Variants in CDK19 observed in about 807,000 individuals in gnomAD.
CDK19 encodes the protein cyclin-dependent kinase 19.
Under a neutral mutation model 68.3 loss-of-function variants are expected in CDK19, and 20 were observed. The observed-to-expected ratio is 0.29, with a 90% CI of 0.21 to 0.43. CDK19 has a LOEUF of 0.43. CDK19 is among the 20% of genes least tolerant of loss of function. The probability of loss-of-function intolerance (pLI) is 1.00; values close to 1 mark genes in which losing one functional copy is unlikely to be tolerated. For missense variants in CDK19, 339 were observed against 623.5 expected (o/e 0.54, Z 4.86); for synonymous variants, 221 against 222.8 (o/e 0.99, Z 0.07).
chr6:110,814,882 C>A (rs1022285113), intron 1 of CDK19, 127 bp downstream of exon 1: 11 of 1,306,222 alleles, frequency 8.4e-6, no homozygotes, highest in Non-Finnish European at 1.2e-5. Flanking sequence ...TGTCCGGACG[C>A]AACCCCGCGA....
chr6:110,786,601 G>A (rs1302873065), intron 1 of CDK19, among the ~76,000 whole-genome samples: 3 of 151,958 alleles, frequency 2.0e-5, no homozygotes, highest in East Asian at 4.0e-4. Context: ...AGGGTACCGC[G>A]TGTAATGAGC....
chr6:110,611,253 G>A lies in CDK19; in HGVS notation c.*3282C>T, dbSNP rs545078709. 2.0e-5 allele frequency: 3 copies of A among 152,400 alleles called. No individual in the cohort carries two copies. Among genetic ancestry groups the A allele is most frequent in the South Asian group, 2.1e-4 (1 of 4,828 alleles). 9.4% of individuals were successfully genotyped at this position (152,400 alleles called of 1,614,324 possible). On this transcript the variant is annotated 3_prime_UTR_variant, in exon 13 of 13. Coordinates refer to ENST00000368911, the MANE Select transcript of CDK19 (RefSeq NM_015076.5). ...TAACTCTGAAACTGGTTTGTAACAC[G>A]AAGAGCAGAAAGCCTTCACTTGGAT...
chr6:110,657,935 T>G (rs1052054428), intron 4 of CDK19, among the ~76,000 whole-genome samples: 1 of 152,156 alleles, frequency 6.6e-6, no homozygotes, highest in Non-Finnish European at 1.5e-5. Flanking sequence ...AACTGACAGA[T>G]AGATGTGCAG....
At chr6:110,808,784 T>C (rs940211340) in intron 1 of CDK19, among the ~76,000 whole-genome samples, 1 of 152,206 alleles carries the variant, frequency 6.6e-6, no homozygotes, top group East Asian at 1.9e-4. Context: ...TCTAAGCATC[T>C]CTATAAAATA....
upstream of CDK19, chr6:110,815,847 G>C (rs1295962930): frequency 6.6e-6 from 1 of 152,500 alleles, no homozygotes; most frequent in Non-Finnish European, 1.5e-5. Context: ...GGAGGCGAGG[G>C]CTGGTGAGGA....
intron 2 of CDK19, among the ~76,000 whole-genome samples, chr6:110,705,619 G>A (rs907746772): frequency 2.0e-5 from 3 of 152,216 alleles, no homozygotes; most frequent in African/African-American, 4.8e-5. Flanking sequence ...CCGAAGGTAC[G>A]TTCACAGAAG....
intron 2 of CDK19, among the ~76,000 whole-genome samples, chr6:110,681,417 T>A (rs1442692764): frequency 7.2e-5 from 11 of 152,216 alleles, no homozygotes; most frequent in African/African-American, 2.4e-4. Flanking sequence ...AGATTATGCA[T>A]AATTTATATT....
intron 2 of CDK19, among the ~76,000 whole-genome samples, chr6:110,738,904 G>A (rs1007623527): frequency 6.6e-6 from 1 of 152,202 alleles, no homozygotes; most frequent in Non-Finnish European, 1.5e-5. Flanking sequence ...CACCCTGCCT[G>A]CTGGGCACTA....
At chr6:110,730,782 T>G (rs1562240531) in intron 2 of CDK19, among the ~76,000 whole-genome samples, 1 of 152,208 alleles carries the variant, frequency 6.6e-6, no homozygotes, top group African/African-American at 2.4e-5. Context: ...CTGGGCACAG[T>G]GGCTCACACC....
At chr6:110,791,001 C>T (rs1781555293) in intron 1 of CDK19, among the ~76,000 whole-genome samples, 1 of 151,990 alleles carries the variant, frequency 6.6e-6, no homozygotes, top group Admixed American at 6.6e-5. Context: ...GTAACCCCGT[C>T]TCTACTAAAA....
intron 8 of CDK19, among the ~76,000 whole-genome samples, chr6:110,624,386 G>T (rs1322975132): frequency 4.6e-5 from 7 of 151,798 alleles, no homozygotes; most frequent in Admixed American, 2.6e-4. Flanking sequence ...TCCTACATAT[G>T]AAATATTTCA....
At chr6:110,812,040 A>C (rs529714703) in intron 1 of CDK19, among the ~76,000 whole-genome samples, 13 of 152,300 alleles carry the variant, frequency 8.5e-5, no homozygotes, top group South Asian at 2.1e-4. Flanking sequence ...TCTACAAAAA[A>C]TATTCAAAAG....
At chr6:110,718,653 A>C (rs1258196209) in intron 2 of CDK19, among the ~76,000 whole-genome samples, 1 of 152,066 alleles carries the variant, frequency 6.6e-6, no homozygotes, top group East Asian at 1.9e-4. Flanking sequence ...AAAAAAAAAA[A>C]AAACCCTTCT....
At chr6:110,808,877 A>T (rs971002747) in intron 1 of CDK19, among the ~76,000 whole-genome samples, 1 of 152,182 alleles carries the variant, frequency 6.6e-6, no homozygotes, top group African/African-American at 2.4e-5. Context: ...TTTCTCAAAA[A>T]TATGCCTATT....
At chr6:110,795,874 C>G (rs1781901583) in intron 1 of CDK19, among the ~76,000 whole-genome samples, 1 of 152,132 alleles carries the variant, frequency 6.6e-6, no homozygotes, top group Non-Finnish European at 1.5e-5. Flanking sequence ...AAACACTGAT[C>G]ATATCTACAG....
chr6:110,648,604 G>A (rs1379258777), intron 4 of CDK19, among the ~76,000 whole-genome samples: 6 of 146,044 alleles, frequency 4.1e-5, no homozygotes, highest in Non-Finnish European at 1.5e-5. Flanking sequence ...GCAGTGGCAC[G>A]ATCTTCGCTG....
Position 110,614,430 on chromosome 6 carries a change from G to A in CDK19, c.*105C>T. On this transcript the variant is annotated 3_prime_UTR_variant, in exon 13 of 13. Coordinates refer to ENST00000368911, the MANE Select transcript of CDK19 (RefSeq NM_015076.5). ...TAAGGTTTTCCTCCCATGTGTATGA[G>A]TTTTAAATGGCATCATAGTTTGCAT... The A allele has an allele frequency of 9.2e-7, 1 of 1,087,478 alleles. No individual in the cohort carries two copies. The highest frequency in any genetic ancestry group is 1.5e-5 in the South Asian group (1 of 66,044). The allele number at this position is 1,087,478 out of a possible 1,614,324, so 67.4% of individuals were successfully genotyped here. A position where few individuals can be genotyped will look rare whatever the true frequency, so the allele number is the denominator to read the frequency against.
intron 1 of CDK19, among the ~76,000 whole-genome samples, chr6:110,790,248 T>C (rs1763245712): frequency 1.3e-5 from 2 of 152,002 alleles, no homozygotes; most frequent in Admixed American, 1.3e-4. Context: ...ATTATATAGG[T>C]TCTTAGGCTG....
chr6:110,628,931 T>C (rs781264051), intron 6 of CDK19, among the ~76,000 whole-genome samples: 3 of 152,314 alleles, frequency 2.0e-5, no homozygotes, highest in Non-Finnish European at 4.4e-5. Context: ...AAGGTCATCA[T>C]CATCATGAAC....
Sources: allele counts gnomAD v4.1 joint callset (sites outside exome capture counted in the v4.1 genomes callset), GRCh38; gene constraint gnomAD v4.1.1; transcripts MANE v1.5; gene names NCBI Gene and HGNC (gene_info 2026-07-23, HGNC 2026-07-21).